Variants in EVA1C observed in about 807,000 individuals in gnomAD.
EVA1C encodes the protein protein eva-1 homolog C.
A neutral mutation model predicts 45.4 loss-of-function variants in EVA1C; 25 were observed. That is an observed-to-expected ratio of 0.55 (90% CI 0.40 to 0.77). The LOEUF (loss-of-function observed/expected upper bound fraction) is 0.77, where lower values mean the gene tolerates loss of function less well. EVA1C is among the 30% of genes least tolerant of loss of function. EVA1C has a pLI of 0.00. For missense variants in EVA1C, 479 were observed against 554.8 expected (o/e 0.86, Z 1.37); for synonymous variants, 190 against 221.2 (o/e 0.86, Z 1.25).
chr21:32,422,268 A>G (rs2034310967), intron 1 of EVA1C, among the ~76,000 whole-genome samples: 2 of 152,154 alleles, frequency 1.3e-5, no homozygotes, highest in Non-Finnish European at 2.9e-5. Context: ...GTGGAAAAAA[A>G]AGCTGGAGAA....
At chr21:32,463,250 G>A (rs1016757485) in intron 3 of EVA1C, among the ~76,000 whole-genome samples, 13 of 152,124 alleles carry the variant, frequency 8.5e-5, no homozygotes, top group East Asian at 7.7e-4. Context: ...AAGCAGAGTC[G>A]TGGTTCTACC....
At chr21:32,464,547 C>T (rs2036107779) in intron 3 of EVA1C, among the ~76,000 whole-genome samples, 1 of 152,050 alleles carries the variant, frequency 6.6e-6, no homozygotes, top group African/African-American at 2.4e-5. Flanking sequence ...TTAGGCCAGG[C>T]ATGGTGACTC....
chr21:32,457,804 G>A (rs1017372495), intron 3 of EVA1C, 84 bp downstream of exon 3: 2 of 1,530,974 alleles, frequency 1.3e-6, no homozygotes, highest in Non-Finnish European at 1.8e-6. Flanking sequence ...TCTGCCCGTT[G>A]GCATTTGTCC....
chr21:32,451,095 C>T (rs146123454), intron 1 of EVA1C, among the ~76,000 whole-genome samples: 2 of 152,194 alleles, frequency 1.3e-5, no homozygotes, highest in Non-Finnish European at 2.9e-5. Flanking sequence ...CAGGCTGGCT[C>T]AGCCCCTTTG....
chr21:32,507,718 A>G (rs1420305635), intron 7 of EVA1C, among the ~76,000 whole-genome samples: 2 of 148,972 alleles, frequency 1.3e-5, no homozygotes, highest in African/African-American at 2.5e-5. Context: ...GTGTGTGTGC[A>G]TGTGTGTGCA....
At chr21:32,414,450 T>C (rs1185314261) in intron 1 of EVA1C, among the ~76,000 whole-genome samples, 1 of 152,220 alleles carries the variant, frequency 6.6e-6, no homozygotes, top group East Asian at 1.9e-4. Context: ...CCTTTTTGTG[T>C]TTGTGACATC....
chr21:32,470,663 G>A (rs920930903), intron 4 of EVA1C, among the ~76,000 whole-genome samples: 9 of 152,036 alleles, frequency 5.9e-5, no homozygotes, highest in African/African-American at 2.2e-4. Context: ...TAGGGAAAGG[G>A]ACCATTGCTG....
At chr21:32,435,988 G>T (rs1408704756) in intron 1 of EVA1C, among the ~76,000 whole-genome samples, 1 of 152,234 alleles carries the variant, frequency 6.6e-6, no homozygotes, top group Non-Finnish European at 1.5e-5. Context: ...TTTGCATGTG[G>T]GTTTTTTTTG....
chr21:32,494,592 TG>T (rs1188765893), intron 4 of EVA1C, among the ~76,000 whole-genome samples: 29 of 152,024 alleles, frequency 1.9e-4, no homozygotes, highest in African/African-American at 6.3e-4. Context: ...AGACCAGCCT[TG>T]CCAACATGGT....
In EVA1C at chr21:32,457,258, C is replaced by T. The variant is rs1020120744; in HGVS notation, c.358-339C>T. Among the ~76,000 whole-genome samples the T allele has an allele frequency of 3.9e-5, 6 of 152,288 alleles. No homozygotes were observed. The East Asian group carries it at 5.8e-4, about 15-fold the overall frequency. On this transcript the variant is annotated intron_variant, in intron 2 of 7. Transcript: ENST00000300255. ...AAGGGGACCCTGAAGTACCCTGCAC[C>T]CCAATATCTGAAAGTCCTCTGACCT...
chr21:32,473,295 A>G (rs1297717371), intron 4 of EVA1C, among the ~76,000 whole-genome samples: 2 of 152,042 alleles, frequency 1.3e-5, no homozygotes, highest in African/African-American at 4.8e-5. Context: ...CTCTCTCTTA[A>G]ATGTCTCCAC....
At chr21:32,423,751 G>A (rs780642516) in intron 1 of EVA1C, among the ~76,000 whole-genome samples, 6 of 152,138 alleles carry the variant, frequency 3.9e-5, no homozygotes, top group Non-Finnish European at 5.9e-5. Context: ...ATGATGCTTG[G>A]ATGAAGTGAT....
chr21:32,512,104 CAG>C (rs533924151), intron 7 of EVA1C, among the ~76,000 whole-genome samples: 141 of 151,708 alleles, frequency 9.3e-4, no homozygotes, highest in African/African-American at 2.3e-3. Flanking sequence ...AAAAAGGAAA[CAG>C]GGGAGTAAGG....
At chr21:32,430,071 G>T (rs1174808336) in intron 1 of EVA1C, among the ~76,000 whole-genome samples, 3 of 152,168 alleles carry the variant, frequency 2.0e-5, no homozygotes, top group Non-Finnish European at 4.4e-5. Flanking sequence ...CAGGGCAGAG[G>T]GGGGCACCTG....
rs1555859600 is a variant in EVA1C, at chr21:32,458,481, A to ATTT, written c.481+761_481+762insTTT. Among the ~76,000 whole-genome samples the ATTT allele has an allele frequency of 4.9e-4, 69 of 141,116 alleles. 3 individuals carry two copies. The highest frequency in any genetic ancestry group is 1.1e-3 in the Admixed American group (15 of 14,000). 92.6% of individuals were successfully genotyped at this position (141,116 alleles called of 152,430 possible). On this transcript the variant is annotated intron_variant, in intron 3 of 7. Coordinates refer to ENST00000300255, the MANE Select transcript of EVA1C (RefSeq NM_058187.5). ...TAACCAAAAAAATGAGAAGTTAAGC[A>ATTT]CTTTTTTTTTTTTTTTTTGAGACAG...
At chr21:32,510,508 C>G (rs778739636) in intron 7 of EVA1C, among the ~76,000 whole-genome samples, 1 of 152,032 alleles carries the variant, frequency 6.6e-6, no homozygotes, top group African/African-American at 2.4e-5. Flanking sequence ...GGTCTGTGGT[C>G]GCTTTTGCAC....
intron 1 of EVA1C, among the ~76,000 whole-genome samples, chr21:32,449,447 A>G (rs1411182335): frequency 2.0e-5 from 3 of 152,188 alleles, no homozygotes; most frequent in Non-Finnish European, 4.4e-5. Context: ...CCAGAATGTC[A>G]TATAGTTGGA....
At chr21:32,431,010 T>G (rs1363638272) in intron 1 of EVA1C, among the ~76,000 whole-genome samples, 1 of 136,616 alleles carries the variant, frequency 7.3e-6, no homozygotes, top group South Asian at 2.4e-4. Flanking sequence ...TTATTCAACG[T>G]CATGAGAACA....
At chr21:32,415,508 C>T (rs565705492) in intron 1 of EVA1C, among the ~76,000 whole-genome samples, 12 of 152,230 alleles carry the variant, frequency 7.9e-5, no homozygotes, top group Admixed American at 2.6e-4. Flanking sequence ...GTTCCTTAAG[C>T]CTTTCTCTTC....
Sources: allele counts gnomAD v4.1 joint callset (sites outside exome capture counted in the v4.1 genomes callset), GRCh38; gene constraint gnomAD v4.1.1; transcripts MANE v1.5; gene names NCBI Gene and HGNC (gene_info 2026-07-23, HGNC 2026-07-21).